Variants in KPNA1 observed in about 807,000 individuals in gnomAD.
KPNA1 encodes the protein karyopherin subunit alpha 1.
Under a neutral mutation model 70.5 loss-of-function variants are expected in KPNA1, and 10 were observed. That is an observed-to-expected ratio of 0.14 (90% CI 0.09 to 0.24). The LOEUF (loss-of-function observed/expected upper bound fraction) is 0.24, where lower values mean the gene tolerates loss of function less well. Ranked by LOEUF, KPNA1 falls within the 10% of genes least tolerant of loss-of-function variation. The probability of loss-of-function intolerance (pLI) is 1.00; values close to 1 mark genes in which losing one functional copy is unlikely to be tolerated. For missense variants in KPNA1, 397 were observed against 637.9 expected, an observed-to-expected ratio of 0.62 and a Z score of 4.07; for synonymous variants, 192 against 221.9, an observed-to-expected ratio of 0.87 and a Z score of 1.20.
intron 5 of KPNA1, among the ~76,000 whole-genome samples, chr3:122,457,210 T>A (rs960775392): frequency 6.6e-6 from 1 of 152,234 alleles, no homozygotes; most frequent in Non-Finnish European, 1.5e-5. Flanking sequence ...AGATTTGCCA[T>A]CTATTTTTTT....
intron 3 of KPNA1, among the ~76,000 whole-genome samples, chr3:122,465,296 C>T (rs1397627318): frequency 2.0e-5 from 3 of 152,156 alleles, no homozygotes; most frequent in Admixed American, 6.5e-5. Context: ...GTAAAAAGTA[C>T]ACTTAATACA....
intron 5 of KPNA1, among the ~76,000 whole-genome samples, chr3:122,456,827 G>A (rs2076269909): frequency 2.0e-5 from 3 of 152,192 alleles, no homozygotes; most frequent in South Asian, 4.1e-4. Context: ...ATTGGGGATA[G>A]AAGTAGATGG....
At chr3:122,474,926 T>TTTTC (rs1396546121) in intron 2 of KPNA1, among the ~76,000 whole-genome samples, 1 of 152,190 alleles carries the variant, frequency 6.6e-6, no homozygotes, top group Non-Finnish European at 1.5e-5. Flanking sequence ...AGTTGAAAGC[T>TTTTC]TTTCCTCTAA....
intron 2 of KPNA1, among the ~76,000 whole-genome samples, chr3:122,492,209 C>G (rs1050936804): frequency 1.3e-5 from 2 of 152,170 alleles, no homozygotes; most frequent in Non-Finnish European, 2.9e-5. Context: ...CTCTGCAAAA[C>G]AAACACAAGA....
At position 122,422,988 on chromosome 3, in the gene KPNA1, T is replaced by G. The variant is rs1372512599; in HGVS notation, c.*3997A>C. 6.6e-6 allele frequency: 1 copy of G among 152,258 alleles called. No individual in the cohort carries two copies. The highest frequency in any genetic ancestry group is 1.5e-5 in the Non-Finnish European group (1 of 68,042). 9.4% of individuals were successfully genotyped at this position (152,258 alleles called of 1,614,324 possible). On this transcript the variant is annotated 3_prime_UTR_variant, in exon 14 of 14. Transcript: ENST00000344337. Reference sequence around the variant, plus strand: ...TATTTTAAATTAGCATATAAATATTTGCTTTATCAGATATTCTGATGTCCT... The same window carrying G: ...TATTTTAAATTAGCATATAAATATTGGCTTTATCAGATATTCTGATGTCCT...
intron 12 of KPNA1, among the ~76,000 whole-genome samples, chr3:122,428,302 T>C (rs1205851690): frequency 1.3e-5 from 2 of 152,216 alleles, no homozygotes; most frequent in African/African-American, 4.8e-5. Flanking sequence ...TAAATAGTCA[T>C]GTCATTTTTT....
chr3:122,478,576 G>A (rs2076532415), intron 2 of KPNA1, among the ~76,000 whole-genome samples: 1 of 151,938 alleles, frequency 6.6e-6, no homozygotes, highest in Non-Finnish European at 1.5e-5. Context: ...ACAAAAATTA[G>A]CTGGACATGT....
intron 10 of KPNA1, among the ~76,000 whole-genome samples, chr3:122,440,960 A>T (rs1379272579): frequency 6.6e-6 from 1 of 152,250 alleles, no homozygotes; most frequent in Admixed American, 6.5e-5. Flanking sequence ...GAGAGAACAA[A>T]TCTAATCTCC....
chr3:122,460,191 T>C, intron 5 of KPNA1: 3 of 985,400 alleles, frequency 3.0e-6, no homozygotes, highest in Non-Finnish European at 3.6e-6. Flanking sequence ...TTGTAACTAA[T>C]AAAGGCACTG....
At chr3:122,511,628 T>G (rs940868032) in intron 1 of KPNA1, among the ~76,000 whole-genome samples, 1 of 152,268 alleles carries the variant, frequency 6.6e-6, no homozygotes, top group African/African-American at 2.4e-5. Context: ...CATCTCCTGC[T>G]TACTGCAGCA....
intron 1 of KPNA1, among the ~76,000 whole-genome samples, chr3:122,506,719 C>T (rs1375202697): frequency 6.6e-6 from 1 of 152,110 alleles, no homozygotes; most frequent in Non-Finnish European, 1.5e-5. Context: ...CTTTCACAGC[C>T]CAGTTTCAAA....
At chr3:122,472,298 A>C (rs1007004810) in intron 2 of KPNA1, among the ~76,000 whole-genome samples, 19 of 152,190 alleles carry the variant, frequency 1.2e-4, no homozygotes, top group African/African-American at 4.6e-4. Context: ...TTTAAAAAAA[A>C]CCCAAGTACT....
intron 2 of KPNA1, among the ~76,000 whole-genome samples, chr3:122,481,048 T>C (rs544366426): frequency 9.2e-5 from 14 of 152,132 alleles, no homozygotes; most frequent in Non-Finnish European, 1.9e-4. Flanking sequence ...ACATTGCTAA[T>C]AAAAATGTAA....
chr3:122,447,565 C>CA (rs1186997456), intron 9 of KPNA1, among the ~76,000 whole-genome samples: 1 of 152,164 alleles, frequency 6.6e-6, no homozygotes, highest in Non-Finnish European at 1.5e-5. Flanking sequence ...CAGCCAATAT[C>CA]ATACTGAATG....
At chr3:122,460,039 G>C in intron 5 of KPNA1, 1 of 985,334 alleles carries the variant, frequency 1.0e-6, no homozygotes, top group Non-Finnish European at 1.2e-6. Context: ...TGATTAACTA[G>C]TTTTTGGCAA....
At chr3:122,473,523 C>T (rs2076465807) in intron 2 of KPNA1, among the ~76,000 whole-genome samples, 1 of 152,120 alleles carries the variant, frequency 6.6e-6, no homozygotes. Flanking sequence ...AATCATATAC[C>T]ATGATCAAGT....
intron 2 of KPNA1, among the ~76,000 whole-genome samples, chr3:122,488,170 T>C (rs970336465): frequency 3.3e-5 from 5 of 152,182 alleles, no homozygotes; most frequent in Non-Finnish European, 7.4e-5. Context: ...CATGGAAGAC[T>C]GCTAAAATTT....
intron 1 of KPNA1, among the ~76,000 whole-genome samples, chr3:122,512,511 C>G (rs932498915): frequency 6.6e-6 from 1 of 152,144 alleles, no homozygotes; most frequent in Non-Finnish European, 1.5e-5. Flanking sequence ...TGCGTGAGCT[C>G]AGGAGTTCGA....
At chr3:122,427,204 GA>G (rs774007005) in intron 13 of KPNA1, 32 bp from the exon 14 acceptor site, 1 of 1,496,256 alleles carries the variant, frequency 6.7e-7, no homozygotes, top group South Asian at 1.2e-5. Flanking sequence ...AATCTTTATT[GA>G]AAACTTCAAT....
Sources: allele counts gnomAD v4.1 joint callset (sites outside exome capture counted in the v4.1 genomes callset), GRCh38; gene constraint gnomAD v4.1.1; transcripts MANE v1.5; gene names NCBI Gene and HGNC (gene_info 2026-07-23, HGNC 2026-07-21).